KHDRBS2: variants seen among roughly 807,000 people sequenced by gnomAD.
KHDRBS2 encodes the protein KH RNA binding domain containing, signal transduction associated 2, also known as KH domain-containing, RNA-binding, signal transduction-associated protein 2.
Under a neutral mutation model 44.3 loss-of-function variants are expected in KHDRBS2, and 26 were observed. The ratio of observed to expected loss-of-function variants is 0.59; its 90% CI spans 0.43 to 0.81. The LOEUF (loss-of-function observed/expected upper bound fraction) is 0.81. Among genes scored for constraint, KHDRBS2 ranks in the 40% least tolerant of loss-of-function variants. The probability of loss-of-function intolerance (pLI) is 0.00; values close to 1 mark genes in which losing one functional copy is unlikely to be tolerated. For synonymous variants in KHDRBS2, 194 were observed against 151.1 expected, an observed-to-expected ratio of 1.28 and a Z score of -2.08; for missense variants, 476 against 433.1, an observed-to-expected ratio of 1.10 and a Z score of -0.88.
chr6:62,051,692 G>A (rs7768771), intron 2 of KHDRBS2, among the ~76,000 whole-genome samples: 125,805 of 151,958 alleles, frequency 0.83, 52,440 homozygotes, highest in Admixed American at 0.88. Context: ...CGCCAAACTG[G>A]AACAACAGCC....
the KHDRBS2 span, among the ~76,000 whole-genome samples, chr6:61,615,287 A>C: frequency 6.6e-6 from 1 of 150,992 alleles, no homozygotes; most frequent in Non-Finnish European, 1.5e-5. Flanking sequence ...AGAAGAAATG[A>C]GTTACTAGTT....
chr6:62,097,328 T>C (rs1345129132), intron 2 of KHDRBS2, among the ~76,000 whole-genome samples: 1 of 152,006 alleles, frequency 6.6e-6, no homozygotes, highest in Non-Finnish European at 1.5e-5. Context: ...AAGTGGGGTA[T>C]TAAAGTCCCC....
chr6:62,034,538 A>T (rs1784908352), intron 3 of KHDRBS2, among the ~76,000 whole-genome samples: 1 of 151,918 alleles, frequency 6.6e-6, no homozygotes. Context: ...AATGAAGGAC[A>T]AAAACCATAT....
chr6:61,581,555 C>T, the KHDRBS2 span, among the ~76,000 whole-genome samples: 3 of 145,252 alleles, frequency 2.1e-5, no homozygotes, highest in East Asian at 2.0e-4. Flanking sequence ...ATATACAATA[C>T]ACAATATACA....
At chr6:61,724,077 T>C (rs1365623134) in intron 7 of KHDRBS2, among the ~76,000 whole-genome samples, 4 of 152,094 alleles carry the variant, frequency 2.6e-5, no homozygotes, top group African/African-American at 7.2e-5. Context: ...AAAGACCAGG[T>C]CACCTGCAAA....
At chr6:61,597,773 T>TATATATATATATAA in the KHDRBS2 span, among the ~76,000 whole-genome samples, 5 of 42,354 alleles carry the variant, frequency 1.2e-4, no homozygotes, top group East Asian at 1.0e-3. Context: ...TATATATATA[T>TATATATATATATAA]ACACCAAGAT....
At chr6:61,998,517 T>C (rs759354306) in intron 3 of KHDRBS2, among the ~76,000 whole-genome samples, 6 of 152,254 alleles carry the variant, frequency 3.9e-5, no homozygotes, top group South Asian at 2.1e-4. Context: ...CCAAATTTCA[T>C]AGGATTTCTT....
rs947323675 is a variant in KHDRBS2, at chr6:61,770,524, A to G, written c.811-37760T>C. ...ATGGAGCTGAAAACCAAGGCACGAGAGCTATGTGACGAATGCAGAAGCCTC... is the reference window on the plus strand; with the variant it reads ...ATGGAGCTGAAAACCAAGGCACGAGGGCTATGTGACGAATGCAGAAGCCTC... On this transcript the variant is annotated intron_variant, in intron 6 of 8. Transcript: ENST00000281156. 5.3e-5 allele frequency among the ~76,000 whole-genome samples: 8 copies of G among 152,228 alleles called. No homozygotes were observed. In the South Asian group the frequency reaches 6.2e-4, roughly 12 times the overall value.
chr6:62,217,868 G>A (rs1585253150), intron 1 of KHDRBS2, among the ~76,000 whole-genome samples: 1 of 151,638 alleles, frequency 6.6e-6, no homozygotes, highest in South Asian at 2.1e-4. Context: ...TTGACACTAG[G>A]GCAGAGATTC....
intron 6 of KHDRBS2, among the ~76,000 whole-genome samples, chr6:61,869,341 A>T (rs1347564269): frequency 6.6e-6 from 1 of 152,340 alleles, no homozygotes; most frequent in East Asian, 1.9e-4. Context: ...TATCATCAAT[A>T]TAGTGAGAGA....
At chr6:61,737,528 T>A (rs1775551630) in intron 6 of KHDRBS2, among the ~76,000 whole-genome samples, 1 of 152,098 alleles carries the variant, frequency 6.6e-6, no homozygotes, top group African/African-American at 2.4e-5. Flanking sequence ...ATGTCAACAC[T>A]GCATCCTACA....
At chr6:61,848,562 T>TGTATATATATAC (rs1794943613) in intron 6 of KHDRBS2, among the ~76,000 whole-genome samples, 9 of 31,564 alleles carry the variant, frequency 2.9e-4, no homozygotes, top group African/African-American at 9.5e-4. Flanking sequence ...CATATATATA[T>TGTATATATATAC]GTATATATAT....
intron 4 of KHDRBS2, among the ~76,000 whole-genome samples, chr6:61,916,873 G>A (rs1807098380): frequency 6.6e-6 from 1 of 151,274 alleles, no homozygotes; most frequent in Non-Finnish European, 1.5e-5. Context: ...TTAAAACAGT[G>A]AGACACCACT....
intron 4 of KHDRBS2, among the ~76,000 whole-genome samples, chr6:61,973,617 A>G (rs1583888177): frequency 6.6e-6 from 1 of 152,294 alleles, no homozygotes; most frequent in East Asian, 1.9e-4. Context: ...GGAATGATCT[A>G]TATTTTTTCT....
the KHDRBS2 span, among the ~76,000 whole-genome samples, chr6:61,568,706 C>G: frequency 2.0e-5 from 3 of 152,128 alleles, no homozygotes; most frequent in African/African-American, 7.2e-5. Flanking sequence ...ATTTAGGGAG[C>G]TGTGTGAAAT....
chr6:62,204,533 C>A (rs926736380), intron 1 of KHDRBS2, among the ~76,000 whole-genome samples: 1 of 152,068 alleles, frequency 6.6e-6, no homozygotes, highest in East Asian at 1.9e-4. Context: ...TTTCAGTGAG[C>A]GTTCTCTTTA....
chr6:61,964,959 T>G (rs1159376766), intron 4 of KHDRBS2, among the ~76,000 whole-genome samples: 2 of 152,142 alleles, frequency 1.3e-5, no homozygotes, highest in African/African-American at 4.8e-5. Context: ...TATTTTAATG[T>G]TTCACTTTAT....
rs535438206 is a variant in KHDRBS2, at chr6:61,914,568, T to C, written c.484-13197A>G. ...AGATATACCTAATGTAAATGACGAG[T>C]TAATGGGTGCAGCACACCAACATGG... is the stretch of plus-strand genomic sequence containing the variant. On this transcript the variant is annotated intron_variant, in intron 4 of 8. Transcript: ENST00000281156. Among the ~76,000 whole-genome samples the C allele has an allele frequency of 3.2e-4, 48 of 151,696 alleles. 1 individual carries two copies. Among genetic ancestry groups the C allele is most frequent in the Non-Finnish European group, 5.9e-4 (40 of 67,898 alleles).
intron 8 of KHDRBS2, among the ~76,000 whole-genome samples, chr6:61,694,146 C>CA (rs1231499141): frequency 6.6e-6 from 1 of 151,826 alleles, no homozygotes; most frequent in African/African-American, 2.4e-5. Context: ...TTTGATTTTT[C>CA]AAAAAATGAC....
Sources: gnomAD v4.1 joint callset for allele counts (sites outside exome capture counted in the v4.1 genomes callset) on GRCh38, gnomAD v4.1.1 for gene constraint, MANE v1.5 for transcripts, NCBI Gene and HGNC (gene_info 2026-07-23, HGNC 2026-07-21) for gene names.